The following FGF9 variants were observed in gnomAD, a reference collection of about 807,000 sequenced individuals.
FGF9 encodes fibroblast growth factor 9.
Under a neutral mutation model 19.9 loss-of-function variants are expected in FGF9, and 3 were observed. The observed-to-expected ratio is 0.15, with a 90% CI of 0.07 to 0.39. The LOEUF (loss-of-function observed/expected upper bound fraction) is 0.39, where lower values mean the gene tolerates loss of function less well. Among genes scored for constraint, FGF9 ranks in the 10% least tolerant of loss-of-function variants. The pLI, the probability that FGF9 is intolerant of heterozygous loss-of-function variation, is 1.00. For missense variants in FGF9, 175 were observed against 256.8 expected, an observed-to-expected ratio of 0.68 and a Z score of 2.18; for synonymous variants, 107 against 106.9, an observed-to-expected ratio of 1.00 and a Z score of -0.01.
chr13:21,685,345 T>C (rs995232576), intron 2 of FGF9, among the ~76,000 whole-genome samples: 1 of 152,242 alleles, frequency 6.6e-6, no homozygotes, highest in Non-Finnish European at 1.5e-5. Flanking sequence ...TCTCTTTTCA[T>C]CTATGTAGTT....
chr13:21,701,228 C>A lies in FGF9; in HGVS notation c.420C>A (p.Phe140Leu), dbSNP rs765041263. 5.0e-6 allele frequency: 8 copies of A among 1,613,480 alleles called. No individual in the cohort carries two copies. The highest frequency in any genetic ancestry group is 3.3e-5 in the South Asian group (3 of 90,996). Residue 140 changes from phenylalanine to leucine, a missense_variant, in exon 3 of 3, where the codon TTC becomes TTA. By Grantham distance (22) the Phe-to-Leu change is conservative (BLOSUM62 0). Around this residue, in one of 3 missense-constraint regions of FGF9, gnomAD observed 101 missense variants for 160.7 expected, o/e 0.63. Transcript: ENST00000382353. ...LTQECVFREQ[F>L]EENWYNTYSS... ...AAGAGTGTGTATTCAGAGAACAGTTCGAAGAAAACTGGTATAATACGTACT... is the reference window on the plus strand; with the variant it reads ...AAGAGTGTGTATTCAGAGAACAGTTAGAAGAAAACTGGTATAATACGTACT...
At chr13:21,678,666 C>T (rs900552486) in intron 1 of FGF9, among the ~76,000 whole-genome samples, 1 of 152,100 alleles carries the variant, frequency 6.6e-6, no homozygotes, top group Non-Finnish European at 1.5e-5. Flanking sequence ...CATTATTAGT[C>T]CTCAGCTACT....
intron 2 of FGF9, among the ~76,000 whole-genome samples, chr13:21,690,985 T>G (rs1436311172): frequency 3.9e-5 from 6 of 152,220 alleles, no homozygotes; most frequent in African/African-American, 1.4e-4. Flanking sequence ...AGATATTAAA[T>G]GAGGTGTCAT....
intron 2 of FGF9, among the ~76,000 whole-genome samples, chr13:21,682,582 A>G (rs9316504): frequency 0.28 from 42,626 of 151,910 alleles, 6,977 homozygotes; most frequent in East Asian, 0.4. Flanking sequence ...CAAAATTATT[A>G]ACTCCCTACA....
In FGF9 at chr13:21,681,079, C is replaced by T; in HGVS notation, c.315C>T (p.Val105=). The T allele has an allele frequency of 6.2e-7, 1 of 1,613,966 alleles. No homozygotes were observed. Among genetic ancestry groups the T allele is most frequent in the Non-Finnish European group, 8.5e-7 (1 of 1,179,950 alleles). Residue 105 remains valine, a synonymous_variant, in exon 2 of 3, where the codon GTC becomes GTT. Coordinates refer to ENST00000382353, the MANE Select transcript of FGF9 (RefSeq NM_002010.3). Reference sequence around the variant, plus strand: ...TTATCAGTATAGCAGTGGGCCTGGTCAGCATTCGAGGCGTGGACAGTGGAC... The same window carrying T: ...TTATCAGTATAGCAGTGGGCCTGGTTAGCATTCGAGGCGTGGACAGTGGAC... ...LEFISIAVGL[V]SIRGVDSGLY...
chr13:21,696,831 T>A (rs2138146532), intron 2 of FGF9, among the ~76,000 whole-genome samples: 1 of 152,356 alleles, frequency 6.6e-6, no homozygotes, highest in South Asian at 2.1e-4. Flanking sequence ...ATCTTGCTAC[T>A]CCGTCTAAAA....
chr13:21,703,444 G>A lies in FGF9; in HGVS notation c.*2009G>A, dbSNP rs1394697507. The A allele has an allele frequency of 6.6e-6, 1 of 151,980 alleles. No homozygotes were observed. The highest frequency in any genetic ancestry group is 6.6e-5 in the Admixed American group (1 of 15,264). 9.4% of individuals were successfully genotyped at this position (151,980 alleles called of 1,614,324 possible). A position where few individuals can be genotyped will look rare whatever the true frequency, so the allele number is the denominator to read the frequency against. ...AATTAAGATATATTTTAGGGGGAGG[G>A]GACAGAAGCAATGTAAAATAGTTGA... is the stretch of plus-strand genomic sequence containing the variant. On this transcript the variant is annotated 3_prime_UTR_variant, in exon 3 of 3. Transcript: ENST00000382353.
intron 1 of FGF9, among the ~76,000 whole-genome samples, chr13:21,678,525 A>G (rs1422799327): frequency 6.6e-6 from 1 of 152,158 alleles, no homozygotes; most frequent in Non-Finnish European, 1.5e-5. Context: ...AATTTTTACT[A>G]TTACAATTAT....
intron 2 of FGF9, among the ~76,000 whole-genome samples, chr13:21,695,777 T>C (rs550534212): frequency 6.6e-6 from 1 of 152,212 alleles, no homozygotes; most frequent in South Asian, 2.1e-4. Flanking sequence ...AATGATTACA[T>C]TGAAGTCATT....
Position 21,672,659 on chromosome 13 carries a change from A to G in FGF9, c.277+470A>G, listed in dbSNP as rs1871797093. Reference sequence around the variant, plus strand: ...AGTAAGTATACTACTTGAATTGTATATTAAGTGCATTGTTTATTCTCCCCT... The same window carrying G: ...AGTAAGTATACTACTTGAATTGTATGTTAAGTGCATTGTTTATTCTCCCCT... On this transcript the variant is annotated intron_variant, in intron 1 of 2. Transcript: ENST00000382353. This position sits in a 1 kb window ranked among gnomAD's most constrained non-coding sequence, Gnocchi z 4.2. 6.6e-6 allele frequency among the ~76,000 whole-genome samples: 1 copy of G among 152,062 alleles called. No homozygotes were observed. The highest frequency in any genetic ancestry group is 1.5e-5 in the Non-Finnish European group (1 of 68,020).
At chr13:21,689,292 G>C (rs754507943) in intron 2 of FGF9, among the ~76,000 whole-genome samples, 1 of 152,184 alleles carries the variant, frequency 6.6e-6, no homozygotes, top group Non-Finnish European at 1.5e-5. Flanking sequence ...GCCTATTAAA[G>C]CTGCCCCATT....
chr13:21,672,609 T>A lies in FGF9; in HGVS notation c.277+420T>A, dbSNP rs552611467. 6.6e-6 allele frequency among the ~76,000 whole-genome samples: 1 copy of A among 152,176 alleles called. No homozygotes were observed. The highest frequency in any genetic ancestry group is 2.4e-5 in the African/African-American group (1 of 41,430). Reference sequence around the variant, plus strand: ...TGGGTATCTTGTGCCCAAATTAAGGTTTTTTTCCTTTCCCCCTTTCCTCTA... The same window carrying A: ...TGGGTATCTTGTGCCCAAATTAAGGATTTTTTCCTTTCCCCCTTTCCTCTA... On this transcript the variant is annotated intron_variant, in intron 1 of 2. Coordinates refer to ENST00000382353, the MANE Select transcript of FGF9 (RefSeq NM_002010.3). The surrounding 1 kb of genome is among the most constrained non-coding windows in gnomAD (Gnocchi z 4.2).
At chr13:21,696,304 A>G (rs1872409130) in intron 2 of FGF9, among the ~76,000 whole-genome samples, 1 of 152,216 alleles carries the variant, frequency 6.6e-6, no homozygotes, top group South Asian at 2.1e-4. Context: ...TAAAATGAAA[A>G]GAGGTTTCCA....
chr13:21,689,079 C>T (rs1178792002), intron 2 of FGF9, among the ~76,000 whole-genome samples: 1 of 152,146 alleles, frequency 6.6e-6, no homozygotes, highest in Non-Finnish European at 1.5e-5. Flanking sequence ...CAGGAACATG[C>T]TCAGGAATCC....
Position 21,672,039 on chromosome 13 carries a change from G to C in FGF9, c.127G>C (p.Gly43Arg). The C allele has an allele frequency of 6.2e-7, 1 of 1,614,228 alleles. No individual in the cohort carries two copies. The highest frequency in any genetic ancestry group is 8.5e-7 in the Non-Finnish European group (1 of 1,180,036). Reference sequence around the variant, plus strand: ...TGACCACCTGGGTCAGTCCGAAGCAGGGGGGCTCCCCAGGGGACCCGCAGT... The same window carrying C: ...TGACCACCTGGGTCAGTCCGAAGCACGGGGGCTCCCCAGGGGACCCGCAGT... ...LSDHLGQSEA[G>R]GLPRGPAVTD... The change falls in exon 1 of 3, where the codon GGG becomes CGG. Residue 43 changes from glycine (G) to arginine (R), a missense_variant. Transcript: ENST00000382353. This position sits in a 1 kb window ranked among gnomAD's most constrained non-coding sequence, Gnocchi z 4.2.
chr13:21,688,013 A>G (rs944034662), intron 2 of FGF9, among the ~76,000 whole-genome samples: 3 of 152,204 alleles, frequency 2.0e-5, no homozygotes, highest in African/African-American at 7.2e-5. Context: ...AGAACACTGC[A>G]TAGGCACGAA....
chr13:21,676,251 C>G (rs764328583), intron 1 of FGF9, among the ~76,000 whole-genome samples: 2 of 152,118 alleles, frequency 1.3e-5, no homozygotes, highest in African/African-American at 2.4e-5. Flanking sequence ...TCTGAAAGGC[C>G]GGTCTTCATC....
chr13:21,671,199 C>T lies in FGF9; in HGVS notation c.-714C>T, dbSNP rs923301415. 6.6e-6 allele frequency among the ~76,000 whole-genome samples: 1 copy of T among 152,234 alleles called. No individual in the cohort carries two copies. Among genetic ancestry groups the T allele is most frequent in the Non-Finnish European group, 1.5e-5 (1 of 68,036 alleles). ...GGCACGCGAGCTCCCGGACGCGGCT[C>T]TCCTCGCTCGCCGCTCGCCACCCGT... On this transcript the variant is annotated 5_prime_UTR_variant, in exon 1 of 3. Coordinates refer to ENST00000382353, the MANE Select transcript of FGF9 (RefSeq NM_002010.3).
Position 21,672,051 on chromosome 13 carries a change from A to T in FGF9, c.139A>T (p.Arg47Trp). The T allele has an allele frequency of 6.2e-6, 10 of 1,614,220 alleles. No individual in the cohort carries two copies. Among genetic ancestry groups the T allele is most frequent in the Non-Finnish European group, 8.5e-6 (10 of 1,180,034 alleles). Residue 47 changes from arginine (R) to tryptophan (W), a missense_variant, in exon 1 of 3, where the codon AGG (arginine) becomes TGG (tryptophan). By Grantham distance (101) the Arg-to-Trp change is moderately radical (BLOSUM62 -3). Around this residue, in one of 3 missense-constraint regions of FGF9, gnomAD observed 69 missense variants for 73.6 expected, o/e 0.94. Coordinates refer to ENST00000382353, the MANE Select transcript of FGF9 (RefSeq NM_002010.3). The surrounding 1 kb of genome is among the most constrained non-coding windows in gnomAD (Gnocchi z 4.2). ...TCAGTCCGAAGCAGGGGGGCTCCCCAGGGGACCCGCAGTCACGGACTTGGA... is the reference window on the plus strand; with the variant it reads ...TCAGTCCGAAGCAGGGGGGCTCCCCTGGGGACCCGCAGTCACGGACTTGGA... ...LGQSEAGGLP[R>W]GPAVTDLDHL...
Sources: gnomAD v4.1 joint callset for allele counts (sites outside exome capture counted in the v4.1 genomes callset) on GRCh38, gnomAD v4.1.1 for gene constraint, gnomAD v4.1.1 regional missense constraint, Gnocchi (gnomAD v3.1) non-coding constraint, MANE v1.5 for transcripts, NCBI Gene and HGNC (gene_info 2026-07-23, HGNC 2026-07-21) for gene names.